Variants in RAPGEF2 observed in about 807,000 individuals in gnomAD.
RAPGEF2 encodes Rap guanine nucleotide exchange factor 2.
RAPGEF2 carries 54 observed loss-of-function variants against 186.7 expected under a neutral mutation model. The observed-to-expected ratio is 0.29, with a 90% CI of 0.23 to 0.36. RAPGEF2 has a LOEUF of 0.36. Among genes scored for constraint, RAPGEF2 ranks in the 10% least tolerant of loss-of-function variants. The pLI, the probability that RAPGEF2 is intolerant of heterozygous loss-of-function variation, is 1.00. For synonymous variants in RAPGEF2, 712 were observed against 705.9 expected (o/e 1.01, Z -0.14); for missense variants, 1,532 against 2,045.0 (o/e 0.75, Z 4.84).
chr4:159,337,912 A>AAAAAAAAAAAAAAAAAAAAAAAAAC, intron 17 of RAPGEF2, among the ~76,000 whole-genome samples: 1 of 146,252 alleles, frequency 6.8e-6, no homozygotes, highest in Non-Finnish European at 1.5e-5. Context: ...AAAAAAAAAA[A>AAAAAAAAAAAAAAAAAAAAAAAAAC]AGAAAGAAAA....
At chr4:159,285,327 G>C (rs968877490) in intron 7 of RAPGEF2, among the ~76,000 whole-genome samples, 1 of 151,876 alleles carries the variant, frequency 6.6e-6, no homozygotes, top group Admixed American at 6.6e-5. Flanking sequence ...TTGATGTTTT[G>C]GTTACTATTT....
At chr4:159,171,448 T>C (rs1289006335) in intron 1 of RAPGEF2, among the ~76,000 whole-genome samples, 5 of 152,108 alleles carry the variant, frequency 3.3e-5, no homozygotes, top group Non-Finnish European at 7.4e-5. Flanking sequence ...GATGCCAAGC[T>C]GGTAAATGGC....
intron 10 of RAPGEF2, 36 bp downstream of exon 10, chr4:159,322,519 C>T (rs747851661): frequency 1.3e-6 from 2 of 1,588,510 alleles, no homozygotes. Flanking sequence ...AAAGTTTCTT[C>T]TTAAAGATAT....
chr4:159,330,080 G>T, intron 12 of RAPGEF2, 70 bp downstream of exon 12: 1 of 1,512,894 alleles, frequency 6.6e-7, no homozygotes, highest in East Asian at 2.3e-5. Flanking sequence ...GGCAGTTTAG[G>T]ATTTTTTTTC....
chr4:159,226,314 T>C (rs551349789), intron 4 of RAPGEF2, among the ~76,000 whole-genome samples: 15 of 152,322 alleles, frequency 9.8e-5, no homozygotes, highest in Non-Finnish European at 2.1e-4. Context: ...CTATAAAATA[T>C]TTGTTTAGAT....
chr4:159,191,166 G>A (rs1407678729), intron 2 of RAPGEF2, among the ~76,000 whole-genome samples: 2 of 150,030 alleles, frequency 1.3e-5, no homozygotes, highest in Non-Finnish European at 2.9e-5. Flanking sequence ...TTAGAAGTCA[G>A]GTAGAGGATG....
chr4:159,163,366 G>A (rs1744925301), intron 1 of RAPGEF2, among the ~76,000 whole-genome samples: 1 of 152,222 alleles, frequency 6.6e-6, no homozygotes, highest in Non-Finnish European at 1.5e-5. Context: ...TAAATGTTGA[G>A]TGTTGAATAA....
At chr4:159,337,031 T>C (rs1767527734) in intron 17 of RAPGEF2, among the ~76,000 whole-genome samples, 1 of 152,228 alleles carries the variant, frequency 6.6e-6, no homozygotes, top group Non-Finnish European at 1.5e-5. Flanking sequence ...ACCCTTCAAA[T>C]CTAGAAATAG....
intron 3 of RAPGEF2, among the ~76,000 whole-genome samples, chr4:159,204,017 G>C (rs1448170566): frequency 3.9e-5 from 6 of 152,170 alleles, no homozygotes; most frequent in African/African-American, 1.4e-4. Context: ...TCTGCCAGGG[G>C]GTTTGGACCT....
chr4:159,310,030 T>C (rs565502626), intron 8 of RAPGEF2, among the ~76,000 whole-genome samples: 1 of 152,280 alleles, frequency 6.6e-6, no homozygotes, highest in Admixed American at 6.5e-5. Context: ...CATCAATTGA[T>C]AAGAAGATTT....
chr4:159,318,217 G>A (rs181405419), intron 9 of RAPGEF2, among the ~76,000 whole-genome samples: 13 of 152,280 alleles, frequency 8.5e-5, no homozygotes, highest in Admixed American at 7.2e-4. Context: ...CCTAAAGGGT[G>A]TTGTTTGTTC....
intron 9 of RAPGEF2, among the ~76,000 whole-genome samples, chr4:159,318,043 TA>T (rs1262452354): frequency 6.8e-6 from 1 of 147,838 alleles, no homozygotes; most frequent in African/African-American, 2.6e-5. Context: ...TACAAATAAA[TA>T]AAAAGCCATC....
intron 7 of RAPGEF2, among the ~76,000 whole-genome samples, chr4:159,292,189 C>T (rs1240895680): frequency 6.6e-5 from 10 of 152,294 alleles, no homozygotes; most frequent in African/African-American, 2.4e-4. Flanking sequence ...AACTCTTTAC[C>T]ATAGCTCCCC....
At chr4:159,176,098 G>C (rs1336332348) in intron 1 of RAPGEF2, among the ~76,000 whole-genome samples, 2 of 152,228 alleles carry the variant, frequency 1.3e-5, no homozygotes, top group Non-Finnish European at 2.9e-5. Flanking sequence ...TTCACTGCCA[G>C]TGTTAAATGG....
At chr4:159,340,667 CCA>C (rs3071283) in intron 19 of RAPGEF2, among the ~76,000 whole-genome samples, 6,233 of 76,738 alleles carry the variant, frequency 0.081, 411 homozygotes, top group Middle Eastern at 0.17. Flanking sequence ...ACCACCATCA[CCA>C]CACACACACA....
At chr4:159,193,277 T>G in intron 3 of RAPGEF2, 21 bp downstream of exon 3, 1 of 1,437,216 alleles carries the variant, frequency 7.0e-7, no homozygotes, top group Admixed American at 2.4e-5. Flanking sequence ...CCTTTTTGTT[T>G]GTACAATGTA....
intron 1 of RAPGEF2, among the ~76,000 whole-genome samples, chr4:159,118,915 T>C (rs1378898685): frequency 6.6e-6 from 1 of 152,208 alleles, no homozygotes; most frequent in East Asian, 1.9e-4. Context: ...GTCTCTGGCA[T>C]TGAAGATTTA....
At chr4:159,106,709 C>A (rs1189703986) in intron 1 of RAPGEF2, among the ~76,000 whole-genome samples, 4 of 151,938 alleles carry the variant, frequency 2.6e-5, no homozygotes, top group Non-Finnish European at 4.4e-5. Flanking sequence ...ATTTTTTTTC[C>A]TGCTGTTCAT....
At chr4:159,282,803 G>A (rs1200485733) in intron 7 of RAPGEF2, among the ~76,000 whole-genome samples, 4 of 152,138 alleles carry the variant, frequency 2.6e-5, no homozygotes, top group African/African-American at 9.7e-5. Context: ...ATGCTATACA[G>A]TGTTTTTCTA....
Sources: gnomAD v4.1 joint callset for allele counts (sites outside exome capture counted in the v4.1 genomes callset) on GRCh38, gnomAD v4.1.1 for gene constraint, MANE v1.5 for transcripts, NCBI Gene and HGNC (gene_info 2026-07-23, HGNC 2026-07-21) for gene names.